The following WWOX variants were observed in gnomAD, a reference collection of about 807,000 sequenced individuals.
The protein encoded by WWOX is WW domain containing oxidoreductase.
A neutral mutation model predicts 46.2 loss-of-function variants in WWOX; 69 were observed. The observed-to-expected ratio is 1.49, with a 90% CI of 1.23 to 1.82. The LOEUF is 1.82. Ranked by LOEUF, WWOX falls within the 40% of genes most tolerant of loss-of-function variation. The pLI, the probability that WWOX is intolerant of heterozygous loss-of-function variation, is 0.00. For missense variants in WWOX, 919 were observed against 542.6 expected, an observed-to-expected ratio of 1.69 and a Z score of -6.89; for synonymous variants, 359 against 202.6, an observed-to-expected ratio of 1.77 and a Z score of -6.56.
rs970596957 is a variant in WWOX, at chr16:78,547,143, A to C, written c.1056+114391A>C. On this transcript the variant is annotated intron_variant, in intron 8 of 8. Transcript: ENST00000566780. ...CTTGTCTCAGAAAAAAAAAAAAAAA[A>C]AAAAAAAAAAAAAAAACAACTACCA... Among the ~76,000 whole-genome samples, 45 of 47,244 alleles carry C rather than the reference A, an allele frequency of 9.5e-4. 1 individual carries two copies. Among genetic ancestry groups the C allele is most frequent in the African/African-American group, 1.6e-3 (43 of 26,652 alleles). 31.0% of individuals were successfully genotyped at this position (47,244 alleles called of 152,430 possible). A position where few individuals can be genotyped will look rare whatever the true frequency, so the allele number is the denominator to read the frequency against.
intron 5 of WWOX, among the ~76,000 whole-genome samples, chr16:78,241,550 T>C (rs2037649412): frequency 6.6e-6 from 1 of 152,150 alleles, no homozygotes; most frequent in Admixed American, 6.5e-5. Flanking sequence ...GCAATTCTCC[T>C]GCCTTAGGCT....
At chr16:78,808,907 G>A (rs544750458) in intron 8 of WWOX, among the ~76,000 whole-genome samples, 9 of 152,036 alleles carry the variant, frequency 5.9e-5, no homozygotes, top group East Asian at 1.9e-4. Context: ...TCTAAATTCC[G>A]TTAGGCCATT....
chr16:79,211,713 G>A lies in WWOX; in HGVS notation c.1162G>A (p.Ala388Thr). 2 of 1,614,224 alleles carry A rather than the reference G, an allele frequency of 1.2e-6. No homozygotes were observed. Among genetic ancestry groups the A allele is most frequent in the East Asian group, 2.2e-5 (1 of 44,870 alleles). Reference protein sequence around the residue: ...NCCRCMPSPEAQSEETARTLW... With the variant: ...NCCRCMPSPETQSEETARTLW... ...CTGCCGCTGCATGCCCTCACCAGAAGCTCAGAGCGAAGAGACGGCCCGGAC... is the reference window on the plus strand; with the variant it reads ...CTGCCGCTGCATGCCCTCACCAGAAACTCAGAGCGAAGAGACGGCCCGGAC... The change falls in exon 9 of 9, where the codon GCT (alanine) becomes ACT (threonine). Residue 388 changes from alanine to threonine, a missense_variant. Coordinates refer to ENST00000566780, the MANE Select transcript of WWOX (RefSeq NM_016373.4).
intron 8 of WWOX, among the ~76,000 whole-genome samples, chr16:78,442,355 C>T (rs1051312476): frequency 3.3e-5 from 5 of 152,102 alleles, no homozygotes; most frequent in Middle Eastern, 6.8e-3. Flanking sequence ...CTGTATTCAC[C>T]ATGCTGTACA....
At chr16:78,302,675 C>T (rs781178419) in intron 5 of WWOX, among the ~76,000 whole-genome samples, 2 of 152,198 alleles carry the variant, frequency 1.3e-5, no homozygotes, top group Non-Finnish European at 1.5e-5. Flanking sequence ...TACTTTGCCA[C>T]AATCTCCACC....
At chr16:79,186,199 A>T (rs1187449781) in intron 8 of WWOX, among the ~76,000 whole-genome samples, 1 of 152,182 alleles carries the variant, frequency 6.6e-6, no homozygotes, top group Non-Finnish European at 1.5e-5. Context: ...GAGCCAGATG[A>T]TAACAGGAAT....
chr16:78,934,692 C>T (rs1485860487), intron 8 of WWOX, among the ~76,000 whole-genome samples: 1 of 152,052 alleles, frequency 6.6e-6, no homozygotes, highest in Non-Finnish European at 1.5e-5. Context: ...CAGAACCCAG[C>T]ATTTAAACTC....
chr16:78,951,270 C>G lies in WWOX; in HGVS notation c.1057-260338C>G, dbSNP rs183136893. Among the ~76,000 whole-genome samples, 46 of 152,328 alleles carry G rather than the reference C, an allele frequency of 3.0e-4. 1 individual carries two copies. Among genetic ancestry groups the G allele is most frequent in the Admixed American group, 2.4e-3 (37 of 15,306 alleles). On this transcript the variant is annotated intron_variant, in intron 8 of 8. Coordinates refer to ENST00000566780, the MANE Select transcript of WWOX (RefSeq NM_016373.4). ...CATCTCTGTAAACTTCATTTGCAGA[C>G]ATGGCCAGCATGCGCCCATAGCCTT...
At chr16:78,709,134 C>G (rs1437310933) in intron 8 of WWOX, among the ~76,000 whole-genome samples, 1 of 152,164 alleles carries the variant, frequency 6.6e-6, no homozygotes, top group Non-Finnish European at 1.5e-5. Flanking sequence ...TCCTCGTTCT[C>G]TAAATCCATG....
chr16:78,757,160 C>G (rs2049671499), intron 8 of WWOX: 1 of 615,918 alleles, frequency 1.6e-6, no homozygotes, highest in Non-Finnish European at 2.9e-6. Context: ...TTCTGCACCA[C>G]AGAAATTCTT....
In WWOX at chr16:79,211,660, G is replaced by A. The variant is rs780816542; in HGVS notation, c.1109G>A (p.Gly370Asp). 1 of 1,614,196 alleles carries A rather than the reference G, an allele frequency of 6.2e-7. No individual in the cohort carries two copies. The highest frequency in any genetic ancestry group is 8.5e-7 in the Non-Finnish European group (1 of 1,180,034). ...TGTGCTGCTGTCCCAGAACTGGAGG[G>A]TCTGGGAGGGATGTACTTCAACAAC... is the stretch of plus-strand genomic sequence containing the variant. ...VYCAAVPELE[G>D]LGGMYFNNCC... is the part of the protein sequence containing the mutation. The change falls in exon 9 of 9, where the codon GGT becomes GAT. Residue 370 changes from glycine (G) to aspartate (D), a missense_variant. Coordinates refer to ENST00000566780, the MANE Select transcript of WWOX (RefSeq NM_016373.4).
At chr16:79,158,652 C>T (rs2050428107) in intron 8 of WWOX, among the ~76,000 whole-genome samples, 1 of 152,244 alleles carries the variant, frequency 6.6e-6, no homozygotes, top group Non-Finnish European at 1.5e-5. Flanking sequence ...TCTCTGTCCC[C>T]ACCTGCTATC....
intron 5 of WWOX, among the ~76,000 whole-genome samples, chr16:78,254,222 G>A (rs868715231): frequency 1.3e-5 from 2 of 151,926 alleles, no homozygotes; most frequent in Middle Eastern, 3.4e-3. Context: ...CACCAAGCTC[G>A]GCTAAATTTT....
At chr16:78,254,087 C>T (rs9934792) in intron 5 of WWOX, among the ~76,000 whole-genome samples, 75,193 of 150,324 alleles carry the variant, frequency 0.5, 19,202 homozygotes, top group East Asian at 0.75. Flanking sequence ...TTTTTTTTTT[C>T]TGAGACAATG....
At chr16:78,947,610 G>T (rs1314421265) in intron 8 of WWOX, among the ~76,000 whole-genome samples, 1 of 152,136 alleles carries the variant, frequency 6.6e-6, no homozygotes, top group African/African-American at 2.4e-5. Context: ...GTCTGTCCAC[G>T]CCACACTGTG....
intron 8 of WWOX, among the ~76,000 whole-genome samples, chr16:79,084,128 T>G (rs1243865478): frequency 6.6e-6 from 1 of 152,060 alleles, no homozygotes; most frequent in Non-Finnish European, 1.5e-5. Flanking sequence ...AGGAGCTGAT[T>G]GAGGAGACCA....
chr16:78,363,553 A>C (rs1049543468), intron 5 of WWOX, among the ~76,000 whole-genome samples: 6 of 152,160 alleles, frequency 3.9e-5, no homozygotes, highest in African/African-American at 1.4e-4. Flanking sequence ...TGCTGGGAAT[A>C]CAGGTGTGAG....
chr16:78,119,694 G>C (rs2032993563), intron 4 of WWOX, among the ~76,000 whole-genome samples: 1 of 151,410 alleles, frequency 6.6e-6, no homozygotes, highest in Non-Finnish European at 1.5e-5. Flanking sequence ...TCAAACTCCT[G>C]GGTTCAAGTG....
At chr16:78,379,326 C>G (rs1220866488) in intron 5 of WWOX, among the ~76,000 whole-genome samples, 1 of 152,068 alleles carries the variant, frequency 6.6e-6, no homozygotes, top group Non-Finnish European at 1.5e-5. Flanking sequence ...TAGCTAATTC[C>G]CTGTAAACAG....
Sources: allele counts gnomAD v4.1 joint callset (sites outside exome capture counted in the v4.1 genomes callset), GRCh38; gene constraint gnomAD v4.1.1; transcripts MANE v1.5; gene names NCBI Gene and HGNC (gene_info 2026-07-23, HGNC 2026-07-21).